Variants in CAST observed in about 807,000 individuals in gnomAD.
The protein encoded by CAST is calpastatin.
Under a neutral mutation model 119.6 loss-of-function variants are expected in CAST, and 76 were observed. That is an observed-to-expected ratio of 0.64 (90% CI 0.53 to 0.77). CAST has a LOEUF of 0.77. Ranked by LOEUF, CAST falls within the 30% of genes least tolerant of loss-of-function variation. The pLI, the probability that CAST is intolerant of heterozygous loss-of-function variation, is 0.00. For missense variants in CAST, 953 were observed against 946.5 expected (o/e 1.01, Z -0.09); for synonymous variants, 319 against 331.6 (o/e 0.96, Z 0.41).
At chr5:96,173,122 A>G in the CAST span, among the ~76,000 whole-genome samples, 1 of 152,154 alleles carries the variant, frequency 6.6e-6, no homozygotes, top group Admixed American at 6.5e-5. Flanking sequence ...TGAATTTCCA[A>G]CTTCTGCTTT....
chr5:96,136,294 AT>A, the CAST span, among the ~76,000 whole-genome samples: 2 of 151,952 alleles, frequency 1.3e-5, no homozygotes, highest in African/African-American at 4.8e-5. Flanking sequence ...ACTAGAAGAA[AT>A]TTTTTCAGTT....
chr5:96,019,994 A>C, the CAST span, among the ~76,000 whole-genome samples: 2 of 152,200 alleles, frequency 1.3e-5, no homozygotes, highest in Non-Finnish European at 2.9e-5. Context: ...GATATGTGGA[A>C]TATGTACAAT....
At chr5:96,429,287 T>G in the CAST span, 4 of 1,593,904 alleles carry the variant, frequency 2.5e-6, no homozygotes, top group Non-Finnish European at 3.4e-6. Context: ...TTTTTATGTT[T>G]GAATAAGTAG....
At chr5:96,450,496 A>G in the CAST span, among the ~76,000 whole-genome samples, 1 of 152,224 alleles carries the variant, frequency 6.6e-6, no homozygotes, top group Admixed American at 6.5e-5. Flanking sequence ...TACAATGTAC[A>G]TTATTCGAGT....
At chr5:96,398,395 A>T in the CAST span, among the ~76,000 whole-genome samples, 1,470 of 152,314 alleles carry the variant, frequency 9.7e-3, 29 homozygotes, top group African/African-American at 0.034. Flanking sequence ...TCGCAGGAAA[A>T]AGCAAATGTT....
chr5:96,459,665 T>G, the CAST span, among the ~76,000 whole-genome samples: 1 of 152,148 alleles, frequency 6.6e-6, no homozygotes, highest in Non-Finnish European at 1.5e-5. Context: ...GCAGAATAAT[T>G]AAGAAATAAT....
chr5:96,522,611 A>G (rs12517435), upstream of CAST, among the ~76,000 whole-genome samples: 23,152 of 152,216 alleles, frequency 0.15, 2,099 homozygotes, highest in Middle Eastern at 0.2. Flanking sequence ...AAAAGGGGTC[A>G]TGTTAATGAT....
At chr5:96,330,616 C>T in the CAST span, among the ~76,000 whole-genome samples, 1 of 152,126 alleles carries the variant, frequency 6.6e-6, no homozygotes, top group African/African-American at 2.4e-5. Flanking sequence ...AAGCTTCTAA[C>T]AATCAGCATA....
chr5:96,134,146 T>C, the CAST span, among the ~76,000 whole-genome samples: 1 of 152,228 alleles, frequency 6.6e-6, no homozygotes, highest in African/African-American at 2.4e-5. Flanking sequence ...GCCGCTACAG[T>C]GCTCTGTTAC....
At chr5:96,268,605 AAAAT>A in the CAST span, among the ~76,000 whole-genome samples, 2 of 152,190 alleles carry the variant, frequency 1.3e-5, no homozygotes, top group Admixed American at 6.5e-5. Context: ...TTAAAAAATA[AAAAT>A]AAATCAAAAA....
the CAST span, among the ~76,000 whole-genome samples, chr5:96,174,583 C>T: frequency 1.3e-5 from 2 of 152,170 alleles, no homozygotes; most frequent in African/African-American, 4.8e-5. Context: ...AGGTTTCCCT[C>T]CTTGGTTAGA....
At chr5:96,082,341 C>T in the CAST span, among the ~76,000 whole-genome samples, 1 of 152,158 alleles carries the variant, frequency 6.6e-6, no homozygotes, top group Non-Finnish European at 1.5e-5. Context: ...ATCCTTGGTG[C>T]TTTCACAGCC....
At chr5:96,631,483 T>C (rs1350762532) in intron 1 of CAST, among the ~76,000 whole-genome samples, 1 of 141,104 alleles carries the variant, frequency 7.1e-6, no homozygotes, top group Admixed American at 7.2e-5. Context: ...TGGATTTCAT[T>C]TTATTTATTC....
chr5:96,630,226 C>G (rs184685618), intron 1 of CAST, among the ~76,000 whole-genome samples: 15 of 152,244 alleles, frequency 9.9e-5, no homozygotes, highest in Admixed American at 4.6e-4. Flanking sequence ...ATGCAGGATA[C>G]TAACAGAATG....
chr5:96,297,451 C>A, the CAST span, among the ~76,000 whole-genome samples: 2 of 152,186 alleles, frequency 1.3e-5, no homozygotes, highest in African/African-American at 4.8e-5. Context: ...TGGCAAGCTG[C>A]TGCTGGTGAG....
chr5:96,112,998 A>T, the CAST span, among the ~76,000 whole-genome samples: 1 of 152,174 alleles, frequency 6.6e-6, no homozygotes, highest in African/African-American at 2.4e-5. Context: ...GACCATCTGT[A>T]TTTCCCAAAT....
upstream of CAST, among the ~76,000 whole-genome samples, chr5:96,520,420 G>A (rs1745496302): frequency 6.6e-6 from 1 of 152,204 alleles, no homozygotes; most frequent in Admixed American, 6.5e-5. Context: ...ACACTCAGAT[G>A]CCCCACAGGG....
At chr5:96,519,822 G>C in the CAST span, among the ~76,000 whole-genome samples, 1 of 152,112 alleles carries the variant, frequency 6.6e-6, no homozygotes, top group South Asian at 2.1e-4. Flanking sequence ...GGCCAGCCTG[G>C]TCTCAAACTC....
chr5:96,681,890 A>G (rs1408636797), intron 2 of CAST, among the ~76,000 whole-genome samples: 2 of 152,086 alleles, frequency 1.3e-5, no homozygotes, highest in East Asian at 1.9e-4. Context: ...TACATATGCA[A>G]TAGTTCCTCT....
Sources: gnomAD v4.1 joint callset for allele counts (sites outside exome capture counted in the v4.1 genomes callset) on GRCh38, gnomAD v4.1.1 for gene constraint, MANE v1.5 for transcripts, NCBI Gene and HGNC (gene_info 2026-07-23, HGNC 2026-07-21) for gene names.